Variants in CTNNA2 observed in about 807,000 individuals in gnomAD.
CTNNA2 encodes the protein catenin alpha 2, also known as catenin alpha-2.
In CTNNA2, 42 loss-of-function variants were observed where a neutral mutation model predicts 101.0. The ratio of observed to expected loss-of-function variants is 0.42; its 90% CI spans 0.32 to 0.54. The LOEUF is 0.54. Ranked by LOEUF, CTNNA2 falls within the 20% of genes least tolerant of loss-of-function variation. The probability of loss-of-function intolerance (pLI) is 0.14; values close to 1 mark genes in which losing one functional copy is unlikely to be tolerated. For missense variants in CTNNA2, 871 were observed against 1,223.1 expected, an observed-to-expected ratio of 0.71 and a Z score of 4.29; for synonymous variants, 450 against 456.4, an observed-to-expected ratio of 0.99 and a Z score of 0.18.
At chr2:80,059,211 T>C (rs1204755491) in intron 7 of CTNNA2, among the ~76,000 whole-genome samples, 1 of 152,166 alleles carries the variant, frequency 6.6e-6, no homozygotes, top group African/African-American at 2.4e-5. Flanking sequence ...TCATGGCATG[T>C]AGTTCAGTTG....
At chr2:79,264,965 C>A (rs1163060372) in intron 2 of CTNNA2, among the ~76,000 whole-genome samples, 2 of 152,104 alleles carry the variant, frequency 1.3e-5, no homozygotes, top group Non-Finnish European at 2.9e-5. Context: ...GCTTCCCTGG[C>A]CCATCTGCTC....
At chr2:80,100,889 A>G (rs1244829179) in intron 7 of CTNNA2, among the ~76,000 whole-genome samples, 1 of 152,182 alleles carries the variant, frequency 6.6e-6, no homozygotes, top group Non-Finnish European at 1.5e-5. Context: ...TTGAGCAAAG[A>G]TCATTTTTCC....
intron 1 of CTNNA2, among the ~76,000 whole-genome samples, chr2:79,516,717 G>C (rs529338881): frequency 6.6e-6 from 1 of 152,112 alleles, no homozygotes; most frequent in East Asian, 1.9e-4. Context: ...ATCCATGATC[G>C]GTGTCATAGT....
chr2:79,382,770 C>G (rs535403345), intron 4 of CTNNA2, among the ~76,000 whole-genome samples: 1 of 152,092 alleles, frequency 6.6e-6, no homozygotes, highest in Non-Finnish European at 1.5e-5. Context: ...CCCAACACCA[C>G]GCCCGGCTAA....
chr2:79,391,561 G>A (rs6736709), intron 4 of CTNNA2, among the ~76,000 whole-genome samples: 6,920 of 152,108 alleles, frequency 0.045, 530 homozygotes, highest in African/African-American at 0.16. Context: ...AACTGTTGGG[G>A]GATGGCACCC....
At chr2:80,129,173 T>C (rs1308561906) in intron 7 of CTNNA2, among the ~76,000 whole-genome samples, 1 of 152,144 alleles carries the variant, frequency 6.6e-6, no homozygotes, top group Non-Finnish European at 1.5e-5. Flanking sequence ...AAGCCTAACA[T>C]CTGTGGATGG....
At chr2:79,480,584 C>G (rs967567057) in intron 4 of CTNNA2, among the ~76,000 whole-genome samples, 2 of 152,104 alleles carry the variant, frequency 1.3e-5, no homozygotes, top group African/African-American at 4.8e-5. Context: ...CATTTGTTAT[C>G]TTTTTTCTCA....
chr2:80,219,940 T>A (rs1708484242), intron 7 of CTNNA2, among the ~76,000 whole-genome samples: 1 of 152,208 alleles, frequency 6.6e-6, no homozygotes, highest in Admixed American at 6.5e-5. Context: ...AACAGATGTA[T>A]GTTTATTCCT....
At chr2:79,735,550 T>C (rs1440064101) in intron 2 of CTNNA2, among the ~76,000 whole-genome samples, 1 of 152,216 alleles carries the variant, frequency 6.6e-6, no homozygotes, top group Non-Finnish European at 1.5e-5. Context: ...GAGTTATTTC[T>C]GAATTCTACT....
intron 9 of CTNNA2, among the ~76,000 whole-genome samples, chr2:80,487,249 CCAGCCTGGGCGACAGAGCAATACT>C (rs1234295204): frequency 6.7e-6 from 1 of 149,026 alleles, no homozygotes; most frequent in Non-Finnish European, 1.5e-5. Flanking sequence ...CCACTGCACT[CCAGCCTGGGCGACAGAGCAATACT>C]CTGTCTCAAA....
chr2:80,007,308 C>G (rs1242519286), intron 7 of CTNNA2, among the ~76,000 whole-genome samples: 4 of 152,032 alleles, frequency 2.6e-5, no homozygotes, highest in Non-Finnish European at 5.9e-5. Flanking sequence ...CAAGTGTATC[C>G]AAGTTTTTCC....
Position 80,574,205 on chromosome 2 carries a change from C to T in CTNNA2, c.1784C>T (p.Ala595Val). 6.2e-7 allele frequency: 1 copy of T among 1,613,602 alleles called. No individual in the cohort carries two copies. The highest frequency in any genetic ancestry group is 8.5e-7 in the Non-Finnish European group (1 of 1,179,684). The change falls in exon 13 of 19, where the codon GCC (alanine) becomes GTC (valine). Residue 595 changes from alanine (A) to valine (V), a missense_variant. By Grantham distance (64) the Ala-to-Val change is moderately conservative. Around this residue, in one of 5 missense-constraint regions of CTNNA2, gnomAD observed 647 missense variants for 831.5 expected, o/e 0.78. Transcript: ENST00000402739. ...FAEQVEVAIEALSANVPQPFE... is the reference protein window; with the variant it reads ...FAEQVEVAIEVLSANVPQPFE... The stretch of plus-strand genomic sequence containing the variant: ...GAACAAGTAGAGGTTGCCATTGAAG[C>T]CCTGAGTGCCAACGTTCCTCAACCG...
At chr2:80,097,459 T>G (rs1242971510) in intron 7 of CTNNA2, among the ~76,000 whole-genome samples, 2 of 152,170 alleles carry the variant, frequency 1.3e-5, no homozygotes, top group South Asian at 2.1e-4. Flanking sequence ...CATTTCAACT[T>G]TGGTGAATCT....
chr2:80,206,035 A>C (rs368824764), intron 7 of CTNNA2, among the ~76,000 whole-genome samples: 1 of 152,302 alleles, frequency 6.6e-6, no homozygotes, highest in African/African-American at 2.4e-5. Context: ...CTTTCTTGTC[A>C]TGGTAATCCA....
chr2:80,545,167 C>A (rs1573212018), intron 10 of CTNNA2, 93 bp downstream of exon 10: 2 of 1,160,640 alleles, frequency 1.7e-6, no homozygotes, highest in Middle Eastern at 2.9e-4. Context: ...TTTCCTCTTG[C>A]TGAAAAAGGC....
chr2:80,457,109 C>T (rs977754668), intron 9 of CTNNA2, among the ~76,000 whole-genome samples: 147 of 151,940 alleles, frequency 9.7e-4, no homozygotes, highest in African/African-American at 3.4e-3. Flanking sequence ...CAGAGTCTCG[C>T]TCTGTCACCC....
chr2:80,201,460 G>A (rs541320829), intron 7 of CTNNA2, among the ~76,000 whole-genome samples: 22 of 131,496 alleles, frequency 1.7e-4, no homozygotes, highest in South Asian at 5.3e-4. Flanking sequence ...TGCAAGCTCC[G>A]CCTCCCAGGT....
intron 2 of CTNNA2, among the ~76,000 whole-genome samples, chr2:79,718,420 A>G (rs1686251635): frequency 6.6e-6 from 1 of 152,190 alleles, no homozygotes; most frequent in South Asian, 2.1e-4. Flanking sequence ...TAAAAATTTT[A>G]TTTCCTCTGA....
rs935052212 is a variant in CTNNA2 at position 80,389,495 on chromosome 2, C to G, written c.1057-3716C>G. On this transcript the variant is annotated intron_variant, in intron 7 of 18. Coordinates refer to ENST00000402739, the MANE Select transcript of CTNNA2 (RefSeq NM_001282597.3). ...TCCCTCTCCGTCTGTGTCTCTGTCT[C>G]TCTATCTCTCCCTCTTTTCCTCTCT... Among the ~76,000 whole-genome samples the G allele has an allele frequency of 2.6e-5, 4 of 152,096 alleles. No individual in the cohort carries two copies. In the South Asian group the frequency reaches 8.3e-4, roughly 32 times the overall value.
Sources: gnomAD v4.1 joint callset for allele counts (sites outside exome capture counted in the v4.1 genomes callset) on GRCh38, gnomAD v4.1.1 for gene constraint, gnomAD v4.1.1 regional missense constraint, MANE v1.5 for transcripts, NCBI Gene and HGNC (gene_info 2026-07-23, HGNC 2026-07-21) for gene names.